Variants in CHD2 observed in about 807,000 individuals in gnomAD.
CHD2 encodes chromodomain helicase DNA binding protein 2.
In CHD2, 28 loss-of-function variants were observed where a neutral mutation model predicts 243.9. The observed-to-expected ratio is 0.11, with a 90% CI of 0.09 to 0.16. The LOEUF (loss-of-function observed/expected upper bound fraction) is 0.16. CHD2 is among the 10% of genes least tolerant of loss of function. CHD2 has a pLI of 1.00. For synonymous variants in CHD2, 775 were observed against 779.0 expected, an observed-to-expected ratio of 0.99 and a Z score of 0.09; for missense variants, 1,386 against 2,209.8, an observed-to-expected ratio of 0.63 and a Z score of 7.47.
chr15:92,974,721 TG>T lies in CHD2; in HGVS notation c.2506-157del. 5.0e-6 allele frequency: 3 copies of T among 598,894 alleles called. 1 individual carries two copies. The highest frequency in any genetic ancestry group is 8.9e-6 in the Non-Finnish European group (3 of 336,652). 37.1% of individuals were successfully genotyped at this position (598,894 alleles called of 1,614,324 possible). On this transcript the variant is annotated intron_variant, in intron 19 of 38. Coordinates refer to ENST00000394196, the MANE Select transcript of CHD2 (RefSeq NM_001271.4). Reference sequence around the variant, plus strand: ...AGCTCAGGTCGAGTAGGGTAGGGTGTGCTTCTTAAGCACAGCTTCTTCATAG... The same window carrying T: ...AGCTCAGGTCGAGTAGGGTAGGGTGTCTTCTTAAGCACAGCTTCTTCATAG...
At chr15:93,005,498 T>A (rs186299033) in intron 34 of CHD2, among the ~76,000 whole-genome samples, 29 of 152,102 alleles carry the variant, frequency 1.9e-4, no homozygotes, top group Admixed American at 1.2e-3. Flanking sequence ...TCCCCATACT[T>A]CCACAAATCC....
chr15:92,961,376 T>TA (rs1321677783), intron 16 of CHD2, among the ~76,000 whole-genome samples: 2 of 152,186 alleles, frequency 1.3e-5, no homozygotes, highest in African/African-American at 4.8e-5. Flanking sequence ...GGCATAAAGT[T>TA]ATAGTACTCT....
chr15:93,025,853 C>T lies in CHD2; in HGVS notation c.*1148C>T, dbSNP rs1394703762. 8.1e-6 allele frequency: 1 copy of T among 124,140 alleles called. No individual in the cohort carries two copies. The highest frequency in any genetic ancestry group is 7.8e-5 in the Admixed American group (1 of 12,822). The allele number at this position is 124,140 out of a possible 1,614,324, so 7.7% of individuals were successfully genotyped here. ...AAGAAATAGAGTAGACAGAATCACA[C>T]ATCATGTGGTGGGCAGATGGAAATA... On this transcript the variant is annotated 3_prime_UTR_variant, in exon 39 of 39. Transcript: ENST00000394196.
At chr15:92,935,824 T>C (rs1333478812) in intron 5 of CHD2, among the ~76,000 whole-genome samples, 2 of 152,216 alleles carry the variant, frequency 1.3e-5, no homozygotes, top group African/African-American at 4.8e-5. Context: ...CGAAGGTCTT[T>C]GTTTTAAAGA....
chr15:92,961,876 C>CTTTTTTTTTTTTTTTTTTTTT lies in CHD2; in HGVS notation c.2000+5230_2000+5250dup, dbSNP rs3064790. ...GGTTTCTTCCTCTGTTTTTTCTTCTCTTTTTTTTTTTTTTTTTTTTTTTGA... is the reference window on the plus strand; with the variant it reads ...GGTTTCTTCCTCTGTTTTTTCTTCTCTTTTTTTTTTTTTTTTTTTTTTTTTTTTTTTTTTTTTTTTTTTTGA... On this transcript the variant is annotated intron_variant, in intron 16 of 38. Transcript: ENST00000394196. 6.2e-4 allele frequency among the ~76,000 whole-genome samples: 49 copies of CTTTTTTTTTTTTTTTTTTTTT among 78,624 alleles called. 2 individuals carry two copies. The highest frequency in any genetic ancestry group is 2.1e-3 in the South Asian group (4 of 1,908). The allele number at this position is 78,624 out of a possible 152,430, so 51.6% of individuals were successfully genotyped here.
At chr15:92,938,126 A>G (rs1170156724) in intron 6 of CHD2, among the ~76,000 whole-genome samples, 1 of 152,224 alleles carries the variant, frequency 6.6e-6, no homozygotes, top group Non-Finnish European at 1.5e-5. Context: ...ACCTCCTTGT[A>G]GTATTGCTTA....
chr15:92,947,173 C>G (rs2053483704), intron 12 of CHD2: 3 of 152,058 alleles, frequency 2.0e-5, no homozygotes, highest in African/African-American at 7.2e-5. Flanking sequence ...CTGTGAAAAC[C>G]AGTATTTAAT....
At position 92,981,450 on chromosome 15, in the gene CHD2, A is replaced by T; in HGVS notation, c.3059A>T (p.Gln1020Leu). 1 of 1,612,044 alleles carries T rather than the reference A, an allele frequency of 6.2e-7. No individual in the cohort carries two copies. The highest frequency in any genetic ancestry group is 8.5e-7 in the Non-Finnish European group (1 of 1,178,252). ...AGTGCAACAGATGAACTTCTATCAC[A>T]GTTTAAGGTATGAAGATCTTTGTGG... ...STSATDELLS[Q>L]FKVANFATME... The change falls in exon 24 of 39, where the codon CAG becomes CTG. Residue 1020 changes from glutamine (Q) to leucine (L), a missense_variant. Coordinates refer to ENST00000394196, the MANE Select transcript of CHD2 (RefSeq NM_001271.4).
intron 37 of CHD2, among the ~76,000 whole-genome samples, chr15:93,015,604 G>A (rs1025879050): frequency 2.7e-5 from 4 of 149,882 alleles, no homozygotes; most frequent in African/African-American, 7.2e-5. Context: ...ATTACCAACC[G>A]TACATCTGAT....
chr15:92,985,475 G>C (rs2141851916), intron 25 of CHD2, 23 bp from the exon 26 acceptor site: 2 of 1,596,058 alleles, frequency 1.3e-6, no homozygotes, highest in Middle Eastern at 1.7e-4. Flanking sequence ...GTTACAGTGT[G>C]ACTTTGCCTC....
At chr15:92,927,578 TG>T (rs1313989416) in intron 4 of CHD2, among the ~76,000 whole-genome samples, 1 of 152,114 alleles carries the variant, frequency 6.6e-6, no homozygotes, top group Non-Finnish European at 1.5e-5. Context: ...GACCTCAAAA[TG>T]GTTTATTTTT....
In CHD2 at chr15:92,998,656, C is replaced by T. The variant is rs1490731036; in HGVS notation, c.4008+35C>T. 2 of 1,605,050 alleles carry T rather than the reference C, an allele frequency of 1.2e-6. No homozygotes were observed. The highest frequency in any genetic ancestry group is 1.7e-6 in the Non-Finnish European group (2 of 1,174,702). On this transcript the variant is annotated intron_variant, in intron 31 of 38. Transcript: ENST00000394196. This position sits in a 1 kb window ranked among gnomAD's most constrained non-coding sequence, Gnocchi z 5.1. Reference sequence around the variant, plus strand: ...CTGCCAGCTGGTTGTTTTTCAGGGGCCTGAGGCTCCTACCCTGCAGAATTA... The same window carrying T: ...CTGCCAGCTGGTTGTTTTTCAGGGGTCTGAGGCTCCTACCCTGCAGAATTA...
chr15:92,940,893 AATATATATAAAT>A (rs1187540128), intron 7 of CHD2, among the ~76,000 whole-genome samples: 13 of 88,378 alleles, frequency 1.5e-4, no homozygotes, highest in Non-Finnish European at 1.8e-4. Context: ...TATATATAAA[AATATATATAAAT>A]ATATATATAA....
intron 36 of CHD2, among the ~76,000 whole-genome samples, chr15:93,012,916 G>A (rs986309902): frequency 6.6e-6 from 1 of 152,214 alleles, no homozygotes; most frequent in African/African-American, 2.4e-5. Flanking sequence ...GTGACATGGA[G>A]GAGGCTGCAG....
chr15:92,914,447 TG>T (rs1487132355), intron 2 of CHD2, among the ~76,000 whole-genome samples: 1 of 152,228 alleles, frequency 6.6e-6, no homozygotes, highest in Non-Finnish European at 1.5e-5. Context: ...TATGCCTGGG[TG>T]CTAATAGTTT....
Position 92,929,009 on chromosome 15 carries a change from T to C in CHD2, c.382-21T>C, listed in dbSNP as rs750678237. ...TGTGAATTAAAGTCTGTAATCATTT[T>C]TCCCCCCTCACACACTGAAGGCAAG... is the stretch of plus-strand genomic sequence containing the variant. On this transcript the variant is annotated intron_variant, in intron 4 of 38. Coordinates refer to ENST00000394196, the MANE Select transcript of CHD2 (RefSeq NM_001271.4). 2.5e-6 allele frequency: 4 copies of C among 1,608,068 alleles called. No homozygotes were observed. In the African/African-American group the frequency reaches 5.3e-5, roughly 21 times the overall value.
intron 5 of CHD2, among the ~76,000 whole-genome samples, chr15:92,932,760 T>G (rs16947284): frequency 0.082 from 12,416 of 152,134 alleles, 544 homozygotes; most frequent in Middle Eastern, 0.19. Flanking sequence ...CGATTTGTAT[T>G]AGGTTTTTAT....
chr15:92,989,384 T>C (rs887769048), intron 26 of CHD2, among the ~76,000 whole-genome samples: 1 of 152,218 alleles, frequency 6.6e-6, no homozygotes, highest in Non-Finnish European at 1.5e-5. Context: ...AAACTGGACA[T>C]TTTAAATCAT....
chr15:92,938,091 C>T (rs1040278298), intron 6 of CHD2, among the ~76,000 whole-genome samples: 1 of 152,174 alleles, frequency 6.6e-6, no homozygotes, highest in Non-Finnish European at 1.5e-5. Context: ...AAAAGGGAGT[C>T]AGAAGACAGG....
Sources: gnomAD v4.1 joint callset for allele counts (sites outside exome capture counted in the v4.1 genomes callset) on GRCh38, gnomAD v4.1.1 for gene constraint, Gnocchi (gnomAD v3.1) non-coding constraint, MANE v1.5 for transcripts, NCBI Gene and HGNC (gene_info 2026-07-23, HGNC 2026-07-21) for gene names.